ASAP1: variants seen among roughly 807,000 people sequenced by gnomAD.
ASAP1 encodes the protein ArfGAP with SH3 domain, ankyrin repeat and PH domain 1.
In ASAP1, 43 loss-of-function variants were observed where a neutral mutation model predicts 145.2. The observed-to-expected ratio is 0.30, with a 90% CI of 0.23 to 0.38. The LOEUF (loss-of-function observed/expected upper bound fraction) is 0.38, where lower values mean the gene tolerates loss of function less well. ASAP1 is among the 10% of genes least tolerant of loss of function. The pLI is 1.00. For missense variants in ASAP1, 1,018 were observed against 1,355.3 expected (o/e 0.75, Z 3.91); for synonymous variants, 546 against 515.5 (o/e 1.06, Z -0.80).
intron 2 of ASAP1, among the ~76,000 whole-genome samples, chr8:130,394,051 A>G (rs185535767): frequency 2.5e-4 from 38 of 152,310 alleles, no homozygotes; most frequent in African/African-American, 7.7e-4. Flanking sequence ...TGATGATTGC[A>G]TTAACTGCAC....
chr8:130,356,581 T>G (rs1826323693), intron 3 of ASAP1, among the ~76,000 whole-genome samples: 1 of 152,138 alleles, frequency 6.6e-6, no homozygotes, highest in African/African-American at 2.4e-5. Context: ...ACCTCTGGTT[T>G]TCAAACAAAC....
chr8:130,080,043 C>A, intron 25 of ASAP1, 72 bp from the exon 26 acceptor site: 1 of 1,379,676 alleles, frequency 7.2e-7, no homozygotes, highest in East Asian at 2.3e-5. Context: ...ATGGGTTTGG[C>A]CTGTAGACAG....
intron 3 of ASAP1, among the ~76,000 whole-genome samples, chr8:130,344,507 CA>C (rs755611540): frequency 1.2e-4 from 19 of 152,126 alleles, no homozygotes; most frequent in Non-Finnish European, 2.8e-4. Flanking sequence ...TGGCCAAAAG[CA>C]GACAATTGTT....
chr8:130,337,249 T>C (rs1825093523), intron 3 of ASAP1, among the ~76,000 whole-genome samples: 2 of 152,264 alleles, frequency 1.3e-5, no homozygotes, highest in African/African-American at 4.8e-5. Context: ...ATCTGCTTAC[T>C]TGTAACTATC....
intron 2 of ASAP1, among the ~76,000 whole-genome samples, chr8:130,375,974 A>G (rs1586933426): frequency 6.6e-6 from 1 of 152,132 alleles, no homozygotes; most frequent in Non-Finnish European, 1.5e-5. Flanking sequence ...GAGTTAATTT[A>G]CCTCTACCCC....
intron 3 of ASAP1, among the ~76,000 whole-genome samples, chr8:130,333,173 C>T (rs1417554124): frequency 6.6e-6 from 1 of 152,220 alleles, no homozygotes; most frequent in Non-Finnish European, 1.5e-5. Context: ...ATTTCCTAAG[C>T]ACCCCCAACC....
chr8:130,100,139 TAA>T lies in ASAP1; in HGVS notation c.2402-7998_2402-7997del, dbSNP rs963363718. Among the ~76,000 whole-genome samples, 4 of 152,212 alleles carry T rather than the reference TAA, an allele frequency of 2.6e-5. No homozygotes were observed. In the South Asian group the frequency reaches 6.2e-4, roughly 24 times the overall value. ...AATTTACATTCCAACCAACATTATA[TAA>T]GAGTTCCCCTTTCTCTGCATCCTCA... On this transcript the variant is annotated intron_variant, in intron 24 of 29. Transcript: ENST00000518721.
intron 10 of ASAP1, 68 bp downstream of exon 10, chr8:130,168,924 G>C (rs1030830732): frequency 1.1e-6 from 1 of 939,460 alleles, no homozygotes; most frequent in African/African-American, 1.7e-5. Context: ...TTCTAATACA[G>C]ATTTCAAATT....
chr8:130,403,723 T>C (rs1317318459), intron 1 of ASAP1, among the ~76,000 whole-genome samples: 1 of 151,992 alleles, frequency 6.6e-6, no homozygotes, highest in Non-Finnish European at 1.5e-5. Context: ...CAGCTACTTT[T>C]TTGCATTTTT....
chr8:130,089,399 GC>G, intron 25 of ASAP1, among the ~76,000 whole-genome samples: 1 of 152,148 alleles, frequency 6.6e-6, no homozygotes, highest in Non-Finnish European at 1.5e-5. Context: ...ACCTGCTCGT[GC>G]CTGGTGTCTA....
At chr8:130,305,233 C>T (rs997084522) in intron 3 of ASAP1, among the ~76,000 whole-genome samples, 71 of 152,304 alleles carry the variant, frequency 4.7e-4, no homozygotes, top group African/African-American at 1.5e-3. Flanking sequence ...TTCTTGACTG[C>T]CTGTCCCCAC....
At chr8:130,331,610 C>T (rs905164889) in intron 3 of ASAP1, among the ~76,000 whole-genome samples, 10 of 152,226 alleles carry the variant, frequency 6.6e-5, no homozygotes, top group African/African-American at 2.4e-4. Flanking sequence ...AATAGGACGT[C>T]CACCCACATC....
At chr8:130,344,828 A>C (rs1342568534) in intron 3 of ASAP1, among the ~76,000 whole-genome samples, 1 of 152,176 alleles carries the variant, frequency 6.6e-6, no homozygotes, top group East Asian at 1.9e-4. Context: ...ACTAGCGCAA[A>C]ACAGACTATA....
intron 10 of ASAP1, among the ~76,000 whole-genome samples, chr8:130,168,295 A>C (rs773073550): frequency 9.2e-5 from 14 of 152,168 alleles, no homozygotes; most frequent in Non-Finnish European, 1.8e-4. Context: ...AGACCTAGAC[A>C]CTAAAAAAAG....
chr8:130,357,876 CCCTTAT>C (rs1826431240), intron 3 of ASAP1, 135 bp downstream of exon 3: 1 of 1,188,148 alleles, frequency 8.4e-7, no homozygotes, highest in Admixed American at 2.3e-5. Context: ...CGTCCGAAGT[CCCTTAT>C]TCACCCGGCG....
At chr8:130,194,035 G>T (rs1413214628) in intron 5 of ASAP1, among the ~76,000 whole-genome samples, 2 of 152,018 alleles carry the variant, frequency 1.3e-5, no homozygotes. Flanking sequence ...AGGCATGAGG[G>T]GAAGATAGAA....
chr8:130,253,809 A>G (rs1281658890), intron 3 of ASAP1, among the ~76,000 whole-genome samples: 1 of 152,140 alleles, frequency 6.6e-6, no homozygotes, highest in Non-Finnish European at 1.5e-5. Context: ...TCTGGTAAAA[A>G]ATTATGACAA....
intron 11 of ASAP1, chr8:130,162,975 C>T (rs973264630): frequency 1.5e-4 from 23 of 158,226 alleles, no homozygotes; most frequent in Middle Eastern, 1.9e-3. Context: ...ATGTATCTCT[C>T]GTGGTAGTTT....
At chr8:130,267,815 G>C (rs1820350428) in intron 3 of ASAP1, among the ~76,000 whole-genome samples, 1 of 152,164 alleles carries the variant, frequency 6.6e-6, no homozygotes, top group Non-Finnish European at 1.5e-5. Flanking sequence ...GTCTATACAA[G>C]GGGATGTTGG....
Sources: gnomAD v4.1 joint callset for allele counts (sites outside exome capture counted in the v4.1 genomes callset) on GRCh38, gnomAD v4.1.1 for gene constraint, MANE v1.5 for transcripts, NCBI Gene and HGNC (gene_info 2026-07-23, HGNC 2026-07-21) for gene names.